The following MYO15A variants were observed in gnomAD, a reference collection of about 807,000 sequenced individuals.
The protein encoded by MYO15A is unconventional myosin-XV.
Under a neutral mutation model 394.6 loss-of-function variants are expected in MYO15A, and 308 were observed. The observed-to-expected ratio is 0.78, with a 90% CI of 0.71 to 0.86. The LOEUF is 0.86. MYO15A is among the 40% of genes least tolerant of loss of function. The pLI, the probability that MYO15A is intolerant of heterozygous loss-of-function variation, is 0.00. For synonymous variants in MYO15A, 1,957 were observed against 2,003.8 expected, an observed-to-expected ratio of 0.98 and a Z score of 0.62; for missense variants, 4,606 against 4,799.1, an observed-to-expected ratio of 0.96 and a Z score of 1.19.
chr17:18,126,912 A>G lies in MYO15A; in HGVS notation c.3941+47A>G, dbSNP rs755766596. 3.1e-6 allele frequency: 5 copies of G among 1,610,320 alleles called. No homozygotes were observed. The East Asian group carries it at 1.1e-4, about 36-fold the overall frequency. ...GGGGGATAAATGGGGGACCTTAGGTAGCAGGCCTGCATCTGGCCAGAACTG... is the reference window on the plus strand; with the variant it reads ...GGGGGATAAATGGGGGACCTTAGGTGGCAGGCCTGCATCTGGCCAGAACTG... On this transcript the variant is annotated intron_variant, in intron 6 of 65. Coordinates refer to ENST00000647165, the MANE Select transcript of MYO15A (RefSeq NM_016239.4).
chr17:18,168,402 A>C (rs1315735042), intron 62 of MYO15A, among the ~76,000 whole-genome samples: 1 of 151,990 alleles, frequency 6.6e-6, no homozygotes, highest in Non-Finnish European at 1.5e-5. Flanking sequence ...CGTCTCACTA[A>C]AACTACAAAA....
chr17:18,150,672 C>A lies in MYO15A; in HGVS notation c.7328-26C>A. 6.3e-7 allele frequency: 1 copy of A among 1,590,562 alleles called. No individual in the cohort carries two copies. Among genetic ancestry groups the A allele is most frequent in the Non-Finnish European group, 8.6e-7 (1 of 1,167,086 alleles). On this transcript the variant is annotated intron_variant, in intron 36 of 65. Transcript: ENST00000647165. This position sits in a 1 kb window ranked among gnomAD's most constrained non-coding sequence, Gnocchi z 4.4. ...GGGAGGAGGGCATCTCCGGTGCCAT[C>A]TGTGCCTTCTGCCCCCTCCCCTCAG...
rs1486097692 is a variant in MYO15A at position 18,120,447 on chromosome 17, C to T, written c.1647C>T (p.Phe549=). The part of the protein sequence containing the change: ...QRNLQRALSA[F]GAHRGLGFGP... ...ACCTCCAGCGCGCGCTGTCGGCCTT[C>T]GGCGCCCACCGGGGCCTGGGCTTCG... The change falls in exon 2 of 66, where the codon TTC becomes TTT. Residue 549 remains phenylalanine (F), a synonymous_variant. Transcript: ENST00000647165. 3 of 1,579,500 alleles carry T rather than the reference C, an allele frequency of 1.9e-6. No individual in the cohort carries two copies. Among genetic ancestry groups the T allele is most frequent in the East Asian group, 2.3e-5 (1 of 43,372 alleles).
At chr17:18,135,608 T>A in intron 12 of MYO15A, 103 bp from the exon 13 acceptor site, 2 of 1,125,876 alleles carry the variant, frequency 1.8e-6, no homozygotes, top group Non-Finnish European at 2.6e-6. Context: ...CCCAAAGTGC[T>A]GGGACTACTG....
chr17:18,121,654 G>A lies in MYO15A; in HGVS notation c.2854G>A (p.Gly952Ser). 1 of 1,601,812 alleles carries A rather than the reference G, an allele frequency of 6.2e-7. No individual in the cohort carries two copies. ...PWPGGAGSRR[G>S]FSRPPPVPEN... ...GCCAGGAGGTGCAGGCAGCCGCCGAGGCTTTTCCAGGCCACCCCCTGTGCC... is the reference window on the plus strand; with the variant it reads ...GCCAGGAGGTGCAGGCAGCCGCCGAAGCTTTTCCAGGCCACCCCCTGTGCC... The change falls in exon 2 of 66, where the codon GGC (glycine) becomes AGC (serine). Residue 952 changes from glycine (G) to serine (S), a missense_variant. By Grantham distance (56) the Gly-to-Ser change is moderately conservative. Transcript: ENST00000647165. This position sits in a 1 kb window ranked among gnomAD's most constrained non-coding sequence, Gnocchi z 5.3.
Position 18,140,597 on chromosome 17 carries a change from C to T in MYO15A, c.5292C>T (p.Leu1764=). 1 of 1,613,806 alleles carries T rather than the reference C, an allele frequency of 6.2e-7. No homozygotes were observed. The highest frequency in any genetic ancestry group is 8.5e-7 in the Non-Finnish European group (1 of 1,180,050). The change falls in exon 20 of 66, where the codon CTC becomes CTT. Residue 1764 remains leucine (L), a synonymous_variant. Transcript: ENST00000647165. ...GCAAGAGCAGCTCCGTCACTCGGCT[C>T]TACAAGGCGCACACTGTGGCCGCCA... The part of the protein sequence containing the change: ...RLGKSSSVTR[L]YKAHTVAAKF...
rs1032640957 is a variant in MYO15A, at chr17:18,149,740, G to T, written c.7212+160G>T. The stretch of plus-strand genomic sequence containing the variant: ...GCTGGAGGCTGGACAAAGGATGAGG[G>T]TCTCTTCACAGCTAGAGATGCTCTT... On this transcript the variant is annotated intron_variant, in intron 35 of 65. Coordinates refer to ENST00000647165, the MANE Select transcript of MYO15A (RefSeq NM_016239.4). The T allele has an allele frequency of 1.2e-5, 9 of 744,838 alleles. 1 individual carries two copies. In the South Asian group the frequency reaches 1.4e-4, roughly 11 times the overall value. The allele number at this position is 744,838 out of a possible 1,614,324, so 46.1% of individuals were successfully genotyped here.
rs2142328418 is a variant in MYO15A at position 18,138,868 on chromosome 17, T to C, written c.5065T>C (p.Tyr1689His). ...CHYHHGANPL[Y>H]SKPKMPLPEF... The stretch of plus-strand genomic sequence containing the variant: ...CTACCATCATGGCGCCAACCCGCTC[T>C]ATTCCAAACCCAAGATGCCGCTGCC... The change falls in exon 18 of 66, where the codon TAT becomes CAT. Residue 1689 changes from tyrosine to histidine, a missense_variant. Physicochemically the swap from Tyr to His is moderately conservative, Grantham distance 83 (BLOSUM62 2). Around this residue, in one of 2 missense-constraint regions of MYO15A, gnomAD observed 2,776 missense variants for 3,109.3 expected, o/e 0.89. Transcript: ENST00000647165. The C allele has an allele frequency of 6.2e-7, 1 of 1,613,786 alleles. No individual in the cohort carries two copies. The highest frequency in any genetic ancestry group is 1.1e-5 in the South Asian group (1 of 90,970).
rs2046951586 is a variant in MYO15A, at chr17:18,172,142, C to A, written c.10217-15C>A. ...CCTGCCCAGCACGTAACTGCCACCC[C>A]CTCTCCCTGCCCAGGCCTCCTCAGC... On this transcript the variant is annotated splice_polypyrimidine_tract_variant and intron_variant, in intron 63 of 65. Transcript: ENST00000647165. 2 of 1,614,058 alleles carry A rather than the reference C, an allele frequency of 1.2e-6. No homozygotes were observed. The highest frequency in any genetic ancestry group is 2.2e-5 in the East Asian group (1 of 44,890).
chr17:18,161,214 A>C, intron 56 of MYO15A, 103 bp from the exon 57 acceptor site: 1 of 1,460,468 alleles, frequency 6.8e-7, no homozygotes, highest in Non-Finnish European at 9.3e-7. Context: ...AGGGGACAGG[A>C]GCTGCCTGAG....
chr17:18,131,435 C>T (rs1403246234), intron 9 of MYO15A, 33 bp from the exon 10 acceptor site: 3 of 1,613,726 alleles, frequency 1.9e-6, no homozygotes, highest in Non-Finnish European at 2.5e-6. Context: ...CCCTCCTACC[C>T]TCACTGAGAG....
At chr17:18,124,604 C>G (rs2045999042) in intron 3 of MYO15A, 39 bp downstream of exon 3, 1 of 1,600,634 alleles carries the variant, frequency 6.2e-7, no homozygotes, top group East Asian at 2.2e-5. Context: ...AAGGGGTCAC[C>G]ATGGGGTCCC....
rs140609736 is a variant in MYO15A at position 18,133,455 on chromosome 17, C to G, written c.4482+69C>G. ...ACTTGGCCGTCTTTTCCAAGGCCTT[C>G]TCTGTTTCCCTTTCAGATTACACTA... On this transcript the variant is annotated intron_variant, in intron 12 of 65. Coordinates refer to ENST00000647165, the MANE Select transcript of MYO15A (RefSeq NM_016239.4). 269 of 1,581,622 alleles carry G rather than the reference C, an allele frequency of 1.7e-4. 1 individual carries two copies. In the East Asian group the frequency reaches 6.0e-3, roughly 35 times the overall value.
In MYO15A at chr17:18,120,083, C is replaced by T. The variant is rs1403821236; in HGVS notation, c.1283C>T (p.Ala428Val). 1.2e-6 allele frequency: 2 copies of T among 1,612,692 alleles called. No homozygotes were observed. Among genetic ancestry groups the T allele is most frequent in the Non-Finnish European group, 1.7e-6 (2 of 1,179,498 alleles). Residue 428 changes from alanine to valine, a missense_variant, in exon 2 of 66, where the codon GCC (alanine) becomes GTC (valine). This residue lies in a region of MYO15A where 1,830 missense variants were observed against 1,689.7 expected (regional missense o/e 1.08). Coordinates refer to ENST00000647165, the MANE Select transcript of MYO15A (RefSeq NM_016239.4). ...TCGCCCCACAACCCGTATGCCCACG[C>T]CATGGATGACATCGCCGAGCTGGAG... ...IPSPHNPYAH[A>V]MDDIAELEEP...
chr17:18,116,868 C>T (rs2045794278), intron 1 of MYO15A, among the ~76,000 whole-genome samples: 1 of 150,982 alleles, frequency 6.6e-6, no homozygotes, highest in Admixed American at 6.6e-5. Context: ...TGCAGTGAGC[C>T]GAGATTGCAC....
chr17:18,167,112 A>G (rs2046865957), intron 61 of MYO15A, among the ~76,000 whole-genome samples: 1 of 152,216 alleles, frequency 6.6e-6, no homozygotes, highest in African/African-American at 2.4e-5. Context: ...CTGTTGAAGC[A>G]TGGCCCTGTG....
rs772912435 is a variant in MYO15A at position 18,151,157 on chromosome 17, C to T, written c.7521C>T (p.Pro2507=). Residue 2507 remains proline (P), a synonymous_variant, in exon 39 of 66, where the codon CCC becomes CCT. Transcript: ENST00000647165. ...AGCCGACGTCTGTAGGCACCGGTCC[C>T]CCTGCCAAACCCGTGCTCCTGCGTG... ...EAQPTSVGTG[P]PAKPVLLRAT... 1 of 1,613,910 alleles carries T rather than the reference C, an allele frequency of 6.2e-7. No individual in the cohort carries two copies. The highest frequency in any genetic ancestry group is 1.3e-5 in the African/African-American group (1 of 74,918).
At chr17:18,110,135 AC>A (rs917670819) in intron 1 of MYO15A, 2 of 148,502 alleles carry the variant, frequency 1.3e-5, no homozygotes, top group African/African-American at 2.5e-5. Flanking sequence ...CACTCCCCGC[AC>A]CCCCCAGCTG....
chr17:18,173,901 T>C lies in MYO15A; in HGVS notation c.10471T>C (p.Leu3491=). The C allele has an allele frequency of 1.2e-6, 2 of 1,613,476 alleles. No individual in the cohort carries two copies. Among genetic ancestry groups the C allele is most frequent in the Non-Finnish European group, 8.5e-7 (1 of 1,179,958 alleles). ...ALGDVAAQRT[L]QLQLEQGLEL... Reference sequence around the variant, plus strand: ...GGGGGACGTGGCGGCCCAGCGCACCTTGCAGCTGCAGCTGGAGCAGGTGGG... The same window carrying C: ...GGGGGACGTGGCGGCCCAGCGCACCCTGCAGCTGCAGCTGGAGCAGGTGGG... Residue 3491 remains leucine (L), a synonymous_variant, in exon 65 of 66, where the codon TTG becomes CTG. Coordinates refer to ENST00000647165, the MANE Select transcript of MYO15A (RefSeq NM_016239.4).
Sources: gnomAD v4.1 joint callset for allele counts (sites outside exome capture counted in the v4.1 genomes callset) on GRCh38, gnomAD v4.1.1 for gene constraint, gnomAD v4.1.1 regional missense constraint, Gnocchi (gnomAD v3.1) non-coding constraint, MANE v1.5 for transcripts, NCBI Gene and HGNC (gene_info 2026-07-23, HGNC 2026-07-21) for gene names.